The following ASCC3 variants were observed in gnomAD, a reference collection of about 807,000 sequenced individuals.
ASCC3 encodes the protein activating signal cointegrator 1 complex subunit 3, also known as ASC-1 complex subunit P200.
ASCC3 carries 158 observed loss-of-function variants against 256.3 expected under a neutral mutation model. The observed-to-expected ratio is 0.62, with a 90% CI of 0.54 to 0.70. The LOEUF is 0.70. Ranked by LOEUF, ASCC3 falls within the 30% of genes least tolerant of loss-of-function variation. The probability of loss-of-function intolerance (pLI) is 0.00; values close to 1 mark genes in which losing one functional copy is unlikely to be tolerated. For synonymous variants in ASCC3, 948 were observed against 883.4 expected (o/e 1.07, Z -1.30); for missense variants, 2,259 against 2,626.0 (o/e 0.86, Z 3.05).
intron 36 of ASCC3, among the ~76,000 whole-genome samples, chr6:100,544,816 T>C (rs1582421938): frequency 6.6e-6 from 1 of 152,164 alleles, no homozygotes; most frequent in South Asian, 2.1e-4. Context: ...ACTAATTTGA[T>C]GGCACCAGTT....
chr6:100,683,665 T>C (rs1172737319), intron 13 of ASCC3, among the ~76,000 whole-genome samples: 2 of 152,152 alleles, frequency 1.3e-5, no homozygotes, highest in African/African-American at 2.4e-5. Flanking sequence ...TTTTGGTAAC[T>C]GAGCAACAGT....
chr6:100,848,433 G>C lies in ASCC3; in HGVS notation c.516C>G (p.Asp172Glu). The change falls in exon 4 of 42, where the codon GAC (aspartate) becomes GAG (glutamate). Residue 172 changes from aspartate to glutamate, a missense_variant. This residue lies in a region of ASCC3 where 420 missense variants were observed against 419.3 expected (regional missense o/e 1.00). Coordinates refer to ENST00000369162, the MANE Select transcript of ASCC3 (RefSeq NM_006828.4). Reference protein sequence around the residue: ...FFGKNLAFSFDMHDLDHFDEL... With the variant: ...FFGKNLAFSFEMHDLDHFDEL... ...CGTCAAAGTGGTCCAAATCATGCAT[G>C]TCAAATGAAAATGCTAAATTTTTAC... 6.2e-7 allele frequency: 1 copy of C among 1,611,778 alleles called. No individual in the cohort carries two copies. The highest frequency in any genetic ancestry group is 8.5e-7 in the Non-Finnish European group (1 of 1,179,026).
intron 34 of ASCC3, among the ~76,000 whole-genome samples, chr6:100,598,246 G>T (rs1449796455): frequency 6.6e-6 from 1 of 152,050 alleles, no homozygotes; most frequent in Non-Finnish European, 1.5e-5. Flanking sequence ...AAGATGTGAG[G>T]GAAAGCAGCT....
intron 10 of ASCC3, among the ~76,000 whole-genome samples, chr6:100,753,245 T>C (rs1052639544): frequency 2.0e-5 from 3 of 151,192 alleles, no homozygotes; most frequent in African/African-American, 7.3e-5. Flanking sequence ...CAATTCTAAT[T>C]AATATTTTAA....
intron 10 of ASCC3, among the ~76,000 whole-genome samples, chr6:100,740,868 CTT>C (rs1780403940): frequency 6.6e-6 from 1 of 152,200 alleles, no homozygotes. Context: ...CATTCAGTGT[CTT>C]TTAATTGGGG....
intron 13 of ASCC3, among the ~76,000 whole-genome samples, chr6:100,693,597 G>C (rs372726326): frequency 3.9e-5 from 6 of 152,102 alleles, no homozygotes; most frequent in African/African-American, 1.4e-4. Flanking sequence ...TGTTCAAGCT[G>C]GGATTTTAGG....
intron 36 of ASCC3, among the ~76,000 whole-genome samples, chr6:100,547,714 T>C (rs1261261044): frequency 6.6e-6 from 1 of 152,016 alleles, no homozygotes; most frequent in African/African-American, 2.4e-5. Flanking sequence ...TTCCAATTTC[T>C]TTGGAAAAGA....
At chr6:100,699,380 T>C (rs1192401755) in intron 13 of ASCC3, among the ~76,000 whole-genome samples, 2 of 152,158 alleles carry the variant, frequency 1.3e-5, no homozygotes, top group African/African-American at 4.8e-5. Context: ...ATGTAAGACA[T>C]GACTTGCTTC....
At chr6:100,849,033 A>C (rs1176363966) in intron 3 of ASCC3, among the ~76,000 whole-genome samples, 2 of 152,034 alleles carry the variant, frequency 1.3e-5, no homozygotes, top group Non-Finnish European at 1.5e-5. Flanking sequence ...TTGAGCCTGG[A>C]AGGTTGGGGC....
chr6:100,763,948 A>C (rs544264816), intron 10 of ASCC3, among the ~76,000 whole-genome samples: 1 of 141,392 alleles, frequency 7.1e-6, no homozygotes, highest in African/African-American at 2.5e-5. Flanking sequence ...CAGACTAGGC[A>C]TAAGTCTAAG....
intron 14 of ASCC3, among the ~76,000 whole-genome samples, chr6:100,672,420 G>A (rs1361235063): frequency 6.6e-6 from 1 of 151,906 alleles, no homozygotes; most frequent in African/African-American, 2.4e-5. Flanking sequence ...ATATAGTAAG[G>A]TTACTAGATG....
At chr6:100,811,893 CAG>C (rs1181683634) in intron 4 of ASCC3, among the ~76,000 whole-genome samples, 1 of 152,088 alleles carries the variant, frequency 6.6e-6, no homozygotes, top group Non-Finnish European at 1.5e-5. Flanking sequence ...AAAGGGGCCA[CAG>C]AGTTATTGGA....
chr6:100,586,690 G>A lies in ASCC3; in HGVS notation c.5550+2944C>T, dbSNP rs553250679. Among the ~76,000 whole-genome samples the A allele has an allele frequency of 3.3e-5, 5 of 152,272 alleles. No individual in the cohort carries two copies. The South Asian group carries it at 1.0e-3, about 32-fold the overall frequency. Reference sequence around the variant, plus strand: ...GTCTTCTGCGTCACTCACGCTGGGAGCTGTAGACCTGAGCTGTTCCTATTC... The same window carrying A: ...GTCTTCTGCGTCACTCACGCTGGGAACTGTAGACCTGAGCTGTTCCTATTC... On this transcript the variant is annotated intron_variant, in intron 36 of 41. Transcript: ENST00000369162.
chr6:100,714,224 A>T (rs1225105535), intron 13 of ASCC3, among the ~76,000 whole-genome samples: 5 of 152,086 alleles, frequency 3.3e-5, no homozygotes, highest in Non-Finnish European at 7.4e-5. Context: ...TTACTATCAG[A>T]CTCTTTACAG....
chr6:100,527,559 A>C (rs1774641003), intron 37 of ASCC3, among the ~76,000 whole-genome samples: 1 of 152,140 alleles, frequency 6.6e-6, no homozygotes, highest in Non-Finnish European at 1.5e-5. Flanking sequence ...CAACCCACTG[A>C]GCCTGAGCTT....
chr6:100,570,406 C>T (rs1442605685), intron 36 of ASCC3, among the ~76,000 whole-genome samples: 2 of 152,136 alleles, frequency 1.3e-5, no homozygotes, highest in African/African-American at 2.4e-5. Context: ...ATGATGTTGG[C>T]TGTGGGTTTG....
chr6:100,577,308 T>C (rs1458213978), intron 36 of ASCC3, among the ~76,000 whole-genome samples: 1 of 152,054 alleles, frequency 6.6e-6, no homozygotes, highest in Non-Finnish European at 1.5e-5. Flanking sequence ...TGGAACCTCC[T>C]ACTAACTGTG....
chr6:100,601,362 T>C (rs1347694308), intron 34 of ASCC3, among the ~76,000 whole-genome samples: 1 of 152,134 alleles, frequency 6.6e-6, no homozygotes, highest in Non-Finnish European at 1.5e-5. Flanking sequence ...TCTAACATAC[T>C]GTCTGGAGTG....
In ASCC3 at chr6:100,679,598, T is replaced by A. The variant is rs142165322; in HGVS notation, c.2286+20A>T. On this transcript the variant is annotated intron_variant, in intron 14 of 41. Transcript: ENST00000369162. ...TGTGGCATGTTACATGCTTTAGTTC[T>A]TGTCCTCTTTGTTTCTTACCTGTTT... The A allele has an allele frequency of 6.2e-7, 1 of 1,613,230 alleles. No individual in the cohort carries two copies. The highest frequency in any genetic ancestry group is 1.3e-5 in the African/African-American group (1 of 75,040).
Sources: allele counts gnomAD v4.1 joint callset (sites outside exome capture counted in the v4.1 genomes callset), GRCh38; gene constraint gnomAD v4.1.1; regional missense constraint gnomAD v4.1.1; transcripts MANE v1.5; gene names NCBI Gene and HGNC (gene_info 2026-07-23, HGNC 2026-07-21).